The following CAMKMT variants were observed in gnomAD, a reference collection of about 807,000 sequenced individuals.
CAMKMT encodes the protein CaM KMT.
CAMKMT carries 53 observed loss-of-function variants against 48.0 expected under a neutral mutation model. The observed-to-expected ratio is 1.10, with a 90% confidence interval of 0.89 to 1.39. CAMKMT has a LOEUF of 1.39. CAMKMT is among the 40% of genes most tolerant of loss of function. The pLI, the probability that CAMKMT is intolerant of heterozygous loss-of-function variation, is 0.00. For synonymous variants in CAMKMT, 165 were observed against 152.3 expected, an observed-to-expected ratio of 1.08 and a Z score of -0.61; for missense variants, 428 against 402.7, an observed-to-expected ratio of 1.06 and a Z score of -0.54.
intron 8 of CAMKMT, among the ~76,000 whole-genome samples, chr2:44,747,516 A>C (rs1679971332): frequency 6.6e-6 from 1 of 152,250 alleles, no homozygotes; most frequent in Non-Finnish European, 1.5e-5. Context: ...GCCAAGTAAA[A>C]TTAGAATACA....
At chr2:44,426,780 A>T (rs888705045) in intron 3 of CAMKMT, among the ~76,000 whole-genome samples, 2 of 152,344 alleles carry the variant, frequency 1.3e-5, no homozygotes, top group Admixed American at 1.3e-4. Context: ...TGCTATTTCT[A>T]TGAAATTACC....
At chr2:44,497,145 T>C (rs551982750) in intron 3 of CAMKMT, among the ~76,000 whole-genome samples, 4 of 152,212 alleles carry the variant, frequency 2.6e-5, no homozygotes, top group Non-Finnish European at 4.4e-5. Flanking sequence ...ATTAGAAAAC[T>C]GATTTCGTAC....
intron 10 of CAMKMT, among the ~76,000 whole-genome samples, 186 bp downstream of exon 10, chr2:44,766,747 G>C (rs1294991093): frequency 6.8e-6 from 1 of 146,936 alleles, no homozygotes; most frequent in Non-Finnish European, 1.5e-5. Flanking sequence ...ATGTCTAGAA[G>C]GATTTTACAG....
chr2:44,626,186 C>G (rs1672472434), intron 3 of CAMKMT, among the ~76,000 whole-genome samples: 1 of 152,154 alleles, frequency 6.6e-6, no homozygotes, highest in Non-Finnish European at 1.5e-5. Context: ...TTTAGGTCTT[C>G]TTTAATTTCT....
intron 3 of CAMKMT, among the ~76,000 whole-genome samples, chr2:44,540,124 G>C (rs1244775387): frequency 6.7e-6 from 1 of 148,876 alleles, no homozygotes; most frequent in Non-Finnish European, 1.5e-5. Flanking sequence ...TATAAGGAGA[G>C]GCTTCCCATT....
intron 3 of CAMKMT, among the ~76,000 whole-genome samples, chr2:44,560,002 C>T (rs1668238976): frequency 6.6e-6 from 1 of 152,166 alleles, no homozygotes; most frequent in Non-Finnish European, 1.5e-5. Flanking sequence ...CAATCAAAGT[C>T]AATTCAAGTT....
At chr2:44,569,906 G>T (rs187108128) in intron 3 of CAMKMT, among the ~76,000 whole-genome samples, 97 of 152,056 alleles carry the variant, frequency 6.4e-4, no homozygotes, top group African/African-American at 2.2e-3. Flanking sequence ...ATAGTTGTTG[G>T]TTACCTTTTT....
chr2:44,484,084 T>G (rs1294543737), intron 3 of CAMKMT, among the ~76,000 whole-genome samples: 1 of 152,074 alleles, frequency 6.6e-6, no homozygotes, highest in Admixed American at 6.6e-5. Flanking sequence ...AATGAGTGCC[T>G]AAGTCCTAAT....
At chr2:44,383,225 C>A (rs143797780) in intron 2 of CAMKMT, among the ~76,000 whole-genome samples, 2 of 151,882 alleles carry the variant, frequency 1.3e-5, no homozygotes, top group African/African-American at 4.8e-5. Flanking sequence ...AGTGCAGTGG[C>A]GTGATCTCAG....
intron 3 of CAMKMT, among the ~76,000 whole-genome samples, chr2:44,474,400 T>C (rs1256478986): frequency 3.3e-5 from 5 of 151,032 alleles, no homozygotes; most frequent in Non-Finnish European, 5.9e-5. Context: ...TGGGCTGAGA[T>C]TGTGCCATTG....
intron 3 of CAMKMT, among the ~76,000 whole-genome samples, chr2:44,488,873 G>GTA (rs1669343318): frequency 6.7e-6 from 1 of 148,786 alleles, no homozygotes; most frequent in Non-Finnish European, 1.5e-5. Flanking sequence ...GTGTGTGTGT[G>GTA]TGTGTTTTAA....
intron 3 of CAMKMT, among the ~76,000 whole-genome samples, chr2:44,442,067 A>T (rs1332156586): frequency 1.3e-5 from 2 of 152,216 alleles, no homozygotes; most frequent in African/African-American, 4.8e-5. Context: ...CTCCCTTGCT[A>T]CTAAACAGAT....
chr2:44,473,117 G>A (rs1159431036), intron 3 of CAMKMT, among the ~76,000 whole-genome samples: 1 of 152,130 alleles, frequency 6.6e-6, no homozygotes, highest in Non-Finnish European at 1.5e-5. Context: ...TTGGTGAAAT[G>A]GTAGCTGAAC....
chr2:44,412,137 C>T (rs914204245), intron 3 of CAMKMT, among the ~76,000 whole-genome samples: 5 of 152,048 alleles, frequency 3.3e-5, no homozygotes, highest in African/African-American at 7.2e-5. Flanking sequence ...CTGCTTGTCA[C>T]GCGCATTACG....
At chr2:44,442,656 C>T (rs1007584044) in intron 3 of CAMKMT, among the ~76,000 whole-genome samples, 34 of 152,208 alleles carry the variant, frequency 2.2e-4, no homozygotes, top group African/African-American at 8.0e-4. Flanking sequence ...TTTCTAAATA[C>T]AATTGAAATG....
At chr2:44,733,976 C>G (rs1487652586) in intron 7 of CAMKMT, among the ~76,000 whole-genome samples, 1 of 152,040 alleles carries the variant, frequency 6.6e-6, no homozygotes, top group Non-Finnish European at 1.5e-5. Flanking sequence ...ATAAGTCAGG[C>G]TAGAGGTTTA....
At chr2:44,599,331 C>A (rs1012102002) in intron 3 of CAMKMT, among the ~76,000 whole-genome samples, 24 of 152,212 alleles carry the variant, frequency 1.6e-4, no homozygotes, top group African/African-American at 5.8e-4. Context: ...TGAAGGGCTC[C>A]AGTAACACTA....
intron 2 of CAMKMT, among the ~76,000 whole-genome samples, chr2:44,385,487 C>G (rs1182317313): frequency 6.6e-6 from 1 of 152,098 alleles, no homozygotes; most frequent in East Asian, 1.9e-4. Flanking sequence ...TGTGATTGCT[C>G]TGGCTAGGAC....
intron 3 of CAMKMT, among the ~76,000 whole-genome samples, chr2:44,561,955 G>C (rs1233454434): frequency 6.6e-6 from 1 of 152,166 alleles, no homozygotes; most frequent in East Asian, 1.9e-4. Flanking sequence ...ATATAAGAGG[G>C]AGAAAAAAGT....
Sources: allele counts gnomAD v4.1 joint callset (sites outside exome capture counted in the v4.1 genomes callset), GRCh38; gene constraint gnomAD v4.1.1; transcripts MANE v1.5; gene names NCBI Gene and HGNC (gene_info 2026-07-23, HGNC 2026-07-21).